WLS: variants seen among roughly 807,000 people sequenced by gnomAD.
WLS encodes the protein protein wntless homolog.
Under a neutral mutation model 62.8 loss-of-function variants are expected in WLS, and 23 were observed. The ratio of observed to expected loss-of-function variants is 0.37; its 90% confidence interval spans 0.26 to 0.52. The LOEUF is 0.52. Among genes scored for constraint, WLS ranks in the 20% least tolerant of loss-of-function variants. WLS has a pLI of 0.92. For missense variants in WLS, 615 were observed against 697.3 expected, an observed-to-expected ratio of 0.88 and a Z score of 1.33; for synonymous variants, 246 against 244.1, an observed-to-expected ratio of 1.01 and a Z score of -0.07.
intron 1 of WLS, among the ~76,000 whole-genome samples, chr1:68,213,915 C>T (rs921805930): frequency 6.6e-6 from 1 of 152,138 alleles, no homozygotes; most frequent in South Asian, 2.1e-4. Context: ...CCAAAGAAAC[C>T]TCGAGTCATC....
intron 2 of WLS, among the ~76,000 whole-genome samples, chr1:68,179,417 A>G (rs762242821): frequency 6.6e-6 from 1 of 152,078 alleles, no homozygotes; most frequent in Non-Finnish European, 1.5e-5. Flanking sequence ...CATCATGTAC[A>G]CTCATAGCCT....
At chr1:68,111,353 G>A (rs1646226623) in intron 11 of WLS, among the ~76,000 whole-genome samples, 1 of 152,192 alleles carries the variant, frequency 6.6e-6, no homozygotes, top group South Asian at 2.1e-4. Flanking sequence ...GGTGACAAGT[G>A]GTAAGGAGTG....
chr1:68,149,423 A>C (rs920177898), intron 6 of WLS, among the ~76,000 whole-genome samples: 2 of 152,160 alleles, frequency 1.3e-5, no homozygotes, highest in African/African-American at 4.8e-5. Context: ...AGTAGGAAGA[A>C]GTCTCTCTCT....
rs113774371 is a variant in WLS, at chr1:68,162,601, C to A, written c.380-3354G>T. 9.7e-5 allele frequency: 135 copies of A among 1,392,524 alleles called. 2 individuals are homozygous for A. The African/African-American group carries it at 1.5e-3, about 15-fold the overall frequency. The allele number at this position is 1,392,524 out of a possible 1,614,324, so 86.3% of individuals were successfully genotyped here. On this transcript the variant is annotated intron_variant, in intron 2 of 11. Coordinates refer to ENST00000262348, the MANE Select transcript of WLS (RefSeq NM_024911.7). ...GGCCAACTCGCGGTTCTGCTCCATG[C>A]TCTGAACCCGTGTGCCTTACCGCAG...
At chr1:68,228,758 A>G (rs927815432) in intron 1 of WLS, among the ~76,000 whole-genome samples, 1 of 149,220 alleles carries the variant, frequency 6.7e-6, no homozygotes, top group Admixed American at 6.8e-5. Flanking sequence ...ATTTATAAAT[A>G]CCCTAAGTTC....
At chr1:68,135,207 C>A (rs1030578772) in intron 11 of WLS, among the ~76,000 whole-genome samples, 9 of 151,666 alleles carry the variant, frequency 5.9e-5, no homozygotes, top group Non-Finnish European at 1.2e-4. Context: ...GTGGTACAAT[C>A]ATGGCTTACT....
At chr1:68,119,647 T>C (rs1646340276) in intron 11 of WLS, among the ~76,000 whole-genome samples, 1 of 152,274 alleles carries the variant, frequency 6.6e-6, no homozygotes, top group South Asian at 2.1e-4. Flanking sequence ...GGCTGTTCTT[T>C]GCATTCCCTT....
intron 2 of WLS, chr1:68,162,596 C>A: frequency 1.4e-6 from 2 of 1,425,856 alleles, no homozygotes; most frequent in Non-Finnish European, 9.9e-7. Context: ...CGGTTCTGCT[C>A]CATGCTCTGA....
At position 68,137,899 on chromosome 1, in the gene WLS, G is replaced by C; in HGVS notation, c.1397C>G (p.Thr466Arg). ...TEGHWKWGGVTVQVNSAFFTG... is the reference protein window; with the variant it reads ...TEGHWKWGGVRVQVNSAFFTG... ...GAAAAAGGCACTGTTCACTTGGACT[G>C]TGACGCCGCCCCATTTCCAATGGCC... Residue 466 changes from threonine to arginine, a missense_variant, in exon 11 of 12, where the codon ACA becomes AGA. Thr to Arg is a moderately conservative substitution (Grantham distance 71). Coordinates refer to ENST00000262348, the MANE Select transcript of WLS (RefSeq NM_024911.7). The C allele has an allele frequency of 1.2e-6, 2 of 1,613,994 alleles. No homozygotes were observed. Among genetic ancestry groups the C allele is most frequent in the Non-Finnish European group, 1.7e-6 (2 of 1,179,902 alleles).
At chr1:68,166,338 CA>C (rs1175710794) in intron 2 of WLS, among the ~76,000 whole-genome samples, 1 of 152,212 alleles carries the variant, frequency 6.6e-6, no homozygotes. Context: ...AGCAGTCACA[CA>C]ATATGAATAT....
At chr1:68,212,224 C>T (rs1649542937) in intron 1 of WLS, among the ~76,000 whole-genome samples, 1 of 152,106 alleles carries the variant, frequency 6.6e-6, no homozygotes, top group African/African-American at 2.4e-5. Flanking sequence ...GACCTCATCT[C>T]GACAAAGGAT....
In WLS at chr1:68,227,329, A is replaced by G. The variant is rs1026312527; in HGVS notation, c.106+4865T>C. Among the ~76,000 whole-genome samples the G allele has an allele frequency of 3.2e-4, 48 of 151,418 alleles. 1 individual carries two copies. The highest frequency in any genetic ancestry group is 1.1e-3 in the African/African-American group (47 of 41,234). ...GCTATCGGGAGGCTGAGGCAGGAGA[A>G]TCACTTGAACCCGGGAGGCGGAGGT... On this transcript the variant is annotated intron_variant, in intron 1 of 11. Coordinates refer to ENST00000262348, the MANE Select transcript of WLS (RefSeq NM_024911.7).
chr1:68,166,490 A>G (rs1196582142), intron 2 of WLS, among the ~76,000 whole-genome samples: 2 of 152,230 alleles, frequency 1.3e-5, no homozygotes, highest in Non-Finnish European at 2.9e-5. Context: ...AGCAGAGCTC[A>G]AGTCTGGATC....
chr1:68,188,593 T>A (rs1430741), intron 2 of WLS, among the ~76,000 whole-genome samples: 1 of 152,088 alleles, frequency 6.6e-6, no homozygotes, highest in Non-Finnish European at 1.5e-5. Flanking sequence ...GGAGATAATA[T>A]AGAAAATACC....
At chr1:68,131,392 C>G (rs1646522296) in intron 11 of WLS, among the ~76,000 whole-genome samples, 1 of 152,124 alleles carries the variant, frequency 6.6e-6, no homozygotes, top group South Asian at 2.1e-4. Flanking sequence ...TAGGAAAACA[C>G]CCTCAGTTAG....
chr1:68,163,591 C>T (rs1449702599), intron 2 of WLS, among the ~76,000 whole-genome samples: 1 of 133,534 alleles, frequency 7.5e-6, no homozygotes, highest in African/African-American at 2.7e-5. Flanking sequence ...CCCTCCGCTA[C>T]CCCGCTCTCC....
intron 11 of WLS, among the ~76,000 whole-genome samples, chr1:68,120,116 G>A (rs1053771767): frequency 6.6e-6 from 1 of 152,150 alleles, no homozygotes; most frequent in African/African-American, 2.4e-5. Context: ...CATTGCCCTA[G>A]GATGCCATTA....
At chr1:68,192,924 A>T (rs1570987273) in intron 2 of WLS, among the ~76,000 whole-genome samples, 2 of 136,216 alleles carry the variant, frequency 1.5e-5, no homozygotes, top group East Asian at 4.3e-4. Flanking sequence ...GTAAAACCCC[A>T]TCTCCACTAA....
intron 10 of WLS, among the ~76,000 whole-genome samples, chr1:68,143,089 C>A (rs945273685): frequency 1.3e-5 from 2 of 151,960 alleles, no homozygotes; most frequent in Admixed American, 1.3e-4. Context: ...AGAGATGATT[C>A]CCCTTGAAAT....
Sources: allele counts gnomAD v4.1 joint callset (sites outside exome capture counted in the v4.1 genomes callset), GRCh38; gene constraint gnomAD v4.1.1; transcripts MANE v1.5; gene names NCBI Gene and HGNC (gene_info 2026-07-23, HGNC 2026-07-21).